The following C13orf46 variants were observed in gnomAD, a reference collection of about 807,000 sequenced individuals.
C13orf46 encodes the protein chromosome 13 open reading frame 46.
At chr13:113,938,277 C>T in the C13orf46 span, among the ~76,000 whole-genome samples, 1 of 152,174 alleles carries the variant, frequency 6.6e-6, no homozygotes, top group African/African-American at 2.4e-5. Flanking sequence ...AACAGATTAC[C>T]ACAAACCTAG....
the C13orf46 span, among the ~76,000 whole-genome samples, chr13:113,945,417 C>A: frequency 2.6e-5 from 4 of 151,818 alleles, no homozygotes; most frequent in Non-Finnish European, 4.4e-5. Context: ...TGATGGTGGG[C>A]CCCTGCAGTC....
chr13:113,955,907 C>CGG lies in C13orf46; in HGVS notation c.*865_*866insCC, dbSNP rs1594241685. The CGG allele has an allele frequency of 2.5e-5, 3 of 121,362 alleles. No individual in the cohort carries two copies. The East Asian group carries it at 8.7e-4, about 35-fold the overall frequency. 7.5% of individuals were successfully genotyped at this position (121,362 alleles called of 1,614,324 possible). On this transcript the variant is annotated 3_prime_UTR_variant, in exon 7 of 7. Coordinates refer to ENST00000636427, the MANE Select transcript of C13orf46 (RefSeq NM_001365455.2). Reference sequence around the variant, plus strand: ...TCCGGTGGAGAGGAGGAGCATCTCGCAGAGAGGAGGAGCATCTCGCGGAGA... The same window carrying CGG: ...TCCGGTGGAGAGGAGGAGCATCTCGCGGAGAGAGGAGGAGCATCTCGCGGAGA...
At chr13:113,937,319 A>G in the C13orf46 span, among the ~76,000 whole-genome samples, 1 of 152,334 alleles carries the variant, frequency 6.6e-6, no homozygotes, top group South Asian at 2.1e-4. Flanking sequence ...GCCAGAGTGC[A>G]GTCCACATCG....
chr13:113,959,221 G>T (rs2052568108), intron 6 of C13orf46, among the ~76,000 whole-genome samples: 3 of 152,150 alleles, frequency 2.0e-5, no homozygotes, highest in African/African-American at 4.8e-5. Context: ...GCAGTGAGCT[G>T]GGAACACACC....
At chr13:113,943,844 C>A in the C13orf46 span, among the ~76,000 whole-genome samples, 2 of 152,128 alleles carry the variant, frequency 1.3e-5, no homozygotes, top group African/African-American at 2.4e-5. Flanking sequence ...CATGGAAACA[C>A]CTGGTGGAGG....
At chr13:113,965,992 ATAG>A (rs1209620464) in intron 5 of C13orf46, among the ~76,000 whole-genome samples, 6 of 150,646 alleles carry the variant, frequency 4.0e-5, no homozygotes, top group South Asian at 2.1e-4. Context: ...GGTGACAGTG[ATAG>A]TGGTGATGAT....
At chr13:113,939,987 G>A in the C13orf46 span, among the ~76,000 whole-genome samples, 1 of 152,234 alleles carries the variant, frequency 6.6e-6, no homozygotes, top group Non-Finnish European at 1.5e-5. Context: ...TGTCATGTGT[G>A]TGGGCTCTGA....
At chr13:113,970,592 C>T (rs1172825057) in intron 1 of C13orf46, among the ~76,000 whole-genome samples, 7 of 152,222 alleles carry the variant, frequency 4.6e-5, no homozygotes, top group Non-Finnish European at 7.4e-5. Context: ...GGTAGCTGAG[C>T]GGGAGGGTGG....
chr13:113,934,752 G>A, the C13orf46 span, among the ~76,000 whole-genome samples: 2 of 152,222 alleles, frequency 1.3e-5, no homozygotes, highest in Non-Finnish European at 2.9e-5. Context: ...TGAGCGTGTC[G>A]CTGCGGAGAT....
chr13:113,972,432 GCTGT>G (rs2052717474), intron 1 of C13orf46, among the ~76,000 whole-genome samples: 1 of 152,210 alleles, frequency 6.6e-6, no homozygotes, highest in Non-Finnish European at 1.5e-5. Context: ...GTCCTACCGG[GCTGT>G]CTCACTTCCA....
chr13:113,958,183 A>C (rs1349615633), intron 6 of C13orf46, among the ~76,000 whole-genome samples: 1 of 109,288 alleles, frequency 9.2e-6, no homozygotes, highest in Non-Finnish European at 1.8e-5. Context: ...CTCTGCCTGC[A>C]CCCCCTTTCA....
At chr13:113,933,557 T>G in the C13orf46 span, among the ~76,000 whole-genome samples, 3,574 of 152,298 alleles carry the variant, frequency 0.023, 138 homozygotes, top group African/African-American at 0.081. Context: ...GGATTCTGAT[T>G]GGGATTGTGT....
chr13:113,937,949 A>G, the C13orf46 span, among the ~76,000 whole-genome samples: 1 of 151,984 alleles, frequency 6.6e-6, no homozygotes, highest in African/African-American at 2.4e-5. Context: ...TCCACAAGGA[A>G]TTTCTTTGTG....
chr13:113,959,552 G>A (rs1376383026), intron 6 of C13orf46, among the ~76,000 whole-genome samples: 1 of 152,218 alleles, frequency 6.6e-6, no homozygotes, highest in African/African-American at 2.4e-5. Context: ...GTGACACATG[G>A]AGCCCTTCTA....
intron 6 of C13orf46, among the ~76,000 whole-genome samples, chr13:113,962,124 C>T (rs2052592111): frequency 6.6e-6 from 1 of 152,238 alleles, no homozygotes; most frequent in Admixed American, 6.5e-5. Context: ...GAGATGGAGG[C>T]TGGGTGCGGT....
At chr13:113,971,576 G>A (rs2052705905) in intron 1 of C13orf46, among the ~76,000 whole-genome samples, 4 of 152,320 alleles carry the variant, frequency 2.6e-5, no homozygotes, top group Admixed American at 6.5e-5. Context: ...CTCCGTGAGC[G>A]CTGGTCTCCT....
the C13orf46 span, among the ~76,000 whole-genome samples, chr13:113,934,809 C>T: frequency 1.3e-5 from 2 of 152,236 alleles, no homozygotes; most frequent in Non-Finnish European, 2.9e-5. Context: ...TCCGCCAGCA[C>T]CTCTAACGGG....
the C13orf46 span, among the ~76,000 whole-genome samples, chr13:113,932,414 C>T: frequency 6.6e-6 from 1 of 152,234 alleles, no homozygotes; most frequent in African/African-American, 2.4e-5. Context: ...ACATGTTAGC[C>T]ATGCTGGTGG....
At chr13:113,972,617 G>A (rs1053106450) in intron 1 of C13orf46, among the ~76,000 whole-genome samples, 1 of 152,160 alleles carries the variant, frequency 6.6e-6, no homozygotes, top group Non-Finnish European at 1.5e-5. Flanking sequence ...ACCACCGTCC[G>A]TTCGGCACAC....
Sources: gnomAD v4.1 joint callset for allele counts (sites outside exome capture counted in the v4.1 genomes callset) on GRCh38, gnomAD v4.1.1 for gene constraint, MANE v1.5 for transcripts, NCBI Gene and HGNC (gene_info 2026-07-23, HGNC 2026-07-21) for gene names.